Variants in SLC8A1 observed in about 807,000 individuals in gnomAD.
The protein encoded by SLC8A1 is sodium/calcium exchanger 1.
A neutral mutation model predicts 68.3 loss-of-function variants in SLC8A1; 18 were observed. The ratio of observed to expected loss-of-function variants is 0.26; its 90% confidence interval spans 0.18 to 0.39. The LOEUF (loss-of-function observed/expected upper bound fraction) is 0.39. Ranked by LOEUF, SLC8A1 falls within the 10% of genes least tolerant of loss-of-function variation. The pLI is 1.00. For missense variants in SLC8A1, 985 were observed against 1,156.7 expected (o/e 0.85, Z 2.15); for synonymous variants, 475 against 415.5 (o/e 1.14, Z -1.74).
chr2:40,260,823 A>T (rs1386220505), intron 2 of SLC8A1, among the ~76,000 whole-genome samples: 2 of 152,104 alleles, frequency 1.3e-5, no homozygotes, highest in African/African-American at 4.8e-5. Flanking sequence ...ATCTGAAGAA[A>T]GTGAGGCATG....
chr2:40,237,944 G>A (rs566447003), intron 2 of SLC8A1, among the ~76,000 whole-genome samples: 52 of 20,536 alleles, frequency 2.5e-3, no homozygotes, highest in Admixed American at 4.4e-3. Flanking sequence ...GACCCACTTG[G>A]GGAGGCAGTC....
At chr2:40,285,724 T>A (rs1204594228) in intron 2 of SLC8A1, among the ~76,000 whole-genome samples, 1 of 152,188 alleles carries the variant, frequency 6.6e-6, no homozygotes, top group African/African-American at 2.4e-5. Flanking sequence ...GTGCTTTTGG[T>A]TTTGTTCATT....
chr2:40,194,344 T>C (rs1342836013), intron 2 of SLC8A1, among the ~76,000 whole-genome samples: 1 of 152,048 alleles, frequency 6.6e-6, no homozygotes, highest in Non-Finnish European at 1.5e-5. Flanking sequence ...GCAGGAGAAC[T>C]GGTGAGAGAA....
chr2:40,491,912 A>G (rs1015653981), intron 1 of SLC8A1, among the ~76,000 whole-genome samples: 2 of 152,176 alleles, frequency 1.3e-5, no homozygotes, highest in African/African-American at 4.8e-5. Context: ...GAAAATGGCC[A>G]TACTGCCAAG....
In SLC8A1 at chr2:40,262,854, T is replaced by A. The variant is rs548227442; in HGVS notation, c.1809-84999A>T. Among the ~76,000 whole-genome samples the A allele has an allele frequency of 7.2e-5, 11 of 152,294 alleles. No homozygotes were observed. The East Asian group carries it at 2.1e-3, about 29-fold the overall frequency. ...AAATTTGGATCATATTTAGCTCTCC[T>A]CCCACCTCTTTCAAACACTTACTAA... On this transcript the variant is annotated intron_variant, in intron 2 of 7. Transcript: ENST00000406785.
intron 2 of SLC8A1, among the ~76,000 whole-genome samples, chr2:40,231,165 G>C (rs192664900): frequency 6.2e-4 from 95 of 152,296 alleles, no homozygotes; most frequent in African/African-American, 2.2e-3. Context: ...ACTTCTACAA[G>C]AGAGGTGCTG....
At chr2:40,455,393 G>C (rs1454643626), upstream of SLC8A1, among the ~76,000 whole-genome samples, 1 of 152,060 alleles carries the variant, frequency 6.6e-6, no homozygotes, top group Non-Finnish European at 1.5e-5. Flanking sequence ...TAAATCAGAG[G>C]TACCTCTATT....
chr2:40,381,238 G>C (rs1054314505), intron 2 of SLC8A1, among the ~76,000 whole-genome samples: 1 of 151,928 alleles, frequency 6.6e-6, no homozygotes, highest in Non-Finnish European at 1.5e-5. Flanking sequence ...ATGCTGAACT[G>C]TCACCTCTTC....
At chr2:40,235,635 C>G (rs1404731943) in intron 2 of SLC8A1, among the ~76,000 whole-genome samples, 1 of 151,990 alleles carries the variant, frequency 6.6e-6, no homozygotes, top group Non-Finnish European at 1.5e-5. Flanking sequence ...TTCTTGCCTT[C>G]TGCTAGCTTT....
At chr2:40,449,786 A>C (rs1421703100) in intron 1 of SLC8A1, among the ~76,000 whole-genome samples, 2 of 152,192 alleles carry the variant, frequency 1.3e-5, no homozygotes, top group Non-Finnish European at 2.9e-5. Flanking sequence ...TCTGATTATC[A>C]TGACACTCTT....
chr2:40,501,012 ACT>A (rs1378937762), intron 1 of SLC8A1, among the ~76,000 whole-genome samples: 1 of 149,286 alleles, frequency 6.7e-6, no homozygotes, highest in Non-Finnish European at 1.5e-5. Context: ...TGTTCGAAAA[ACT>A]CTCCTACCTG....
At chr2:40,297,081 A>G (rs1442975139) in intron 2 of SLC8A1, among the ~76,000 whole-genome samples, 1 of 152,004 alleles carries the variant, frequency 6.6e-6, no homozygotes, top group African/African-American at 2.4e-5. Flanking sequence ...CATGATACTC[A>G]TGGTATTCTC....
At chr2:40,179,327 T>C (rs1425346886) in intron 2 of SLC8A1, among the ~76,000 whole-genome samples, 1 of 152,248 alleles carries the variant, frequency 6.6e-6, no homozygotes, top group Non-Finnish European at 1.5e-5. Flanking sequence ...CCAAGGTGTT[T>C]TGATTAGAAT....
chr2:40,292,185 T>C (rs1253730009), intron 2 of SLC8A1, among the ~76,000 whole-genome samples: 3 of 152,164 alleles, frequency 2.0e-5, no homozygotes, highest in Non-Finnish European at 4.4e-5. Context: ...TCTCTTTCTA[T>C]GACATATGTG....
intron 2 of SLC8A1, among the ~76,000 whole-genome samples, chr2:40,239,277 C>G (rs1385235060): frequency 2.0e-5 from 3 of 152,086 alleles, no homozygotes; most frequent in Non-Finnish European, 2.9e-5. Context: ...AATCACTACT[C>G]CTATTGTTGA....
At chr2:40,301,475 A>G (rs771903527) in intron 2 of SLC8A1, among the ~76,000 whole-genome samples, 1 of 152,198 alleles carries the variant, frequency 6.6e-6, no homozygotes, top group Non-Finnish European at 1.5e-5. Flanking sequence ...TATTATTCTA[A>G]GGGAAGTAAC....
intron 5 of SLC8A1, among the ~76,000 whole-genome samples, chr2:40,164,312 G>A (rs147044962): frequency 1.2e-4 from 18 of 152,230 alleles, no homozygotes; most frequent in African/African-American, 3.4e-4. Context: ...TGTAAACTCC[G>A]GTTGCAGGCA....
intron 2 of SLC8A1, among the ~76,000 whole-genome samples, chr2:40,409,686 C>G (rs1241284788): frequency 6.6e-6 from 1 of 152,086 alleles, no homozygotes; most frequent in African/African-American, 2.4e-5. Context: ...ATAGCATGCT[C>G]AAGGTTTTGG....
intron 7 of SLC8A1, among the ~76,000 whole-genome samples, chr2:40,137,945 A>G (rs756828679): frequency 6.6e-6 from 1 of 152,146 alleles, no homozygotes; most frequent in Admixed American, 6.5e-5. Flanking sequence ...AAATCTGGAT[A>G]CTTCATCCAT....
Sources: gnomAD v4.1 joint callset for allele counts (sites outside exome capture counted in the v4.1 genomes callset) on GRCh38, gnomAD v4.1.1 for gene constraint, MANE v1.5 for transcripts, NCBI Gene and HGNC (gene_info 2026-07-23, HGNC 2026-07-21) for gene names.